Variants in GTF3C5 observed in about 807,000 individuals in gnomAD.
The protein encoded by GTF3C5 is general transcription factor IIIC subunit 5.
A neutral mutation model predicts 61.0 loss-of-function variants in GTF3C5; 47 were observed. The observed-to-expected ratio is 0.77, with a 90% CI of 0.61 to 0.98. GTF3C5 has a LOEUF of 0.98. GTF3C5 is among the 50% of genes least tolerant of loss of function. The pLI, the probability that GTF3C5 is intolerant of heterozygous loss-of-function variation, is 0.00. For missense variants in GTF3C5, 659 were observed against 703.3 expected (o/e 0.94, Z 0.71); for synonymous variants, 295 against 275.4 (o/e 1.07, Z -0.71).
chr9:133,038,089 A>C (rs1849918884), intron 1 of GTF3C5, among the ~76,000 whole-genome samples: 1 of 152,092 alleles, frequency 6.6e-6, no homozygotes. Context: ...GCCAGGAAGA[A>C]TAGTTTCGGC....
chr9:133,055,953 C>CCCT, intron 8 of GTF3C5, 59 bp from the exon 9 acceptor site: 1 of 1,609,136 alleles, frequency 6.2e-7, no homozygotes, highest in Non-Finnish European at 8.5e-7. Context: ...GAGTCTGCAA[C>CCCT]ACTGGCAGCC....
chr9:133,030,727 C>A (rs987136492), upstream of GTF3C5: 1 of 547,746 alleles, frequency 1.8e-6, no homozygotes, highest in African/African-American at 1.9e-5. Context: ...TCCTCCGGGT[C>A]CCTCGCTGGC....
rs148807164 is a variant in GTF3C5, at chr9:133,034,682, T to G, written c.153+3518T>G. Among the ~76,000 whole-genome samples, 797 of 152,218 alleles carry G rather than the reference T, an allele frequency of 5.2e-3. 7 individuals carry two copies. The highest frequency in any genetic ancestry group is 0.018 in the African/African-American group (753 of 41,508). ...GGCCCTTCCCAAGCTGGTTCAAGTT[T>G]TCCCTCCTTCCAGCTTTTGATGAGA... On this transcript the variant is annotated intron_variant, in intron 1 of 10. Transcript: ENST00000372097.
intron 1 of GTF3C5, among the ~76,000 whole-genome samples, chr9:133,040,965 A>G (rs1850021848): frequency 1.3e-5 from 2 of 152,262 alleles, no homozygotes; most frequent in Admixed American, 6.5e-5. Flanking sequence ...TCCTCGCTCT[A>G]TAATCATAAC....
Position 133,054,419 on chromosome 9 carries a change from A to G in GTF3C5, c.1000A>G (p.Ser334Gly). Residue 334 changes from serine (S) to glycine (G), a missense_variant, in exon 7 of 11, where the codon AGT becomes GGT. By Grantham distance (56) the Ser-to-Gly change is moderately conservative. Transcript: ENST00000372097. ...GCCCTCGCCTACAGGTTACGCCCCC[A>G]GTGACTTGCCGGTCAAAGCAAAGCG... ...RCGMKHGYAP[S>G]DLPVKAKRST... 1 of 1,614,034 alleles carries G rather than the reference A, an allele frequency of 6.2e-7. No homozygotes were observed. The highest frequency in any genetic ancestry group is 2.2e-5 in the East Asian group (1 of 44,886).
Position 133,040,463 on chromosome 9 carries a change from A to G in GTF3C5, c.154-1624A>G, listed in dbSNP as rs75360103. ...ACGTGGCACATATTGAATGTCTACC[A>G]TGAGTTAGGCACCAGGAGCTGTGCT... On this transcript the variant is annotated intron_variant, in intron 1 of 10. Coordinates refer to ENST00000372097, the MANE Select transcript of GTF3C5 (RefSeq NM_012087.4). Among the ~76,000 whole-genome samples the G allele has an allele frequency of 8.5e-5, 13 of 152,330 alleles. No homozygotes were observed. The South Asian group carries it at 2.5e-3, about 29-fold the overall frequency.
At chr9:133,036,026 C>A (rs1849851371) in intron 1 of GTF3C5, among the ~76,000 whole-genome samples, 1 of 152,216 alleles carries the variant, frequency 6.6e-6, no homozygotes, top group African/African-American at 2.4e-5. Flanking sequence ...TTTGGGCAGA[C>A]CAATGACTGG....
chr9:133,048,567 G>A (rs557229414), intron 3 of GTF3C5, among the ~76,000 whole-genome samples: 6 of 152,330 alleles, frequency 3.9e-5, no homozygotes, highest in African/African-American at 1.2e-4. Flanking sequence ...TACTTGGGGG[G>A]CTGAGGCAGG....
intron 3 of GTF3C5, chr9:133,044,146 C>CGAAAAAAAAA (rs1850130469): frequency 9.6e-6 from 1 of 104,148 alleles, no homozygotes; most frequent in African/African-American, 4.6e-5. Context: ...CTTTGTCTCC[C>CGAAAAAAAAA]AAAAAAAAAA....
intron 3 of GTF3C5, among the ~76,000 whole-genome samples, chr9:133,048,403 A>G (rs995908964): frequency 3.3e-5 from 5 of 151,814 alleles, no homozygotes; most frequent in African/African-American, 1.2e-4. Flanking sequence ...AGGCTGAGGC[A>G]GGAGAATGGC....
rs369612433 is a variant in GTF3C5, at chr9:133,054,429, C to T, written c.1010C>T (p.Pro337Leu). The T allele has an allele frequency of 2.6e-4, 426 of 1,614,128 alleles. No individual in the cohort carries two copies. Among genetic ancestry groups the T allele is most frequent in the Non-Finnish European group, 3.4e-4 (402 of 1,180,016 alleles). Reference sequence around the variant, plus strand: ...ACAGGTTACGCCCCCAGTGACTTGCCGGTCAAAGCAAAGCGCAGCACCTAC... The same window carrying T: ...ACAGGTTACGCCCCCAGTGACTTGCTGGTCAAAGCAAAGCGCAGCACCTAC... ...MKHGYAPSDL[P>L]VKAKRSTYNY... is the part of the protein sequence containing the mutation. Residue 337 changes from proline (P) to leucine (L), a missense_variant, in exon 7 of 11, where the codon CCG becomes CTG. Transcript: ENST00000372097.
At chr9:133,033,643 G>C (rs1849790163) in intron 1 of GTF3C5, among the ~76,000 whole-genome samples, 2 of 152,130 alleles carry the variant, frequency 1.3e-5, no homozygotes, top group African/African-American at 4.8e-5. Context: ...TATCACCCCA[G>C]GCTGTGGGGT....
chr9:133,044,848 C>T (rs765284125), intron 3 of GTF3C5, among the ~76,000 whole-genome samples: 6 of 152,084 alleles, frequency 3.9e-5, no homozygotes, highest in Non-Finnish European at 7.4e-5. Flanking sequence ...TCTCCTACAC[C>T]GAGAGCTATG....
At position 133,042,323 on chromosome 9, in the gene GTF3C5, C is replaced by T. The variant is rs753812892; in HGVS notation, c.373+17C>T. ...AATTTCAGGGTAACTGAAATCTGCT[C>T]TTGCAATGTCTGGTTATTTCAGGGC... On this transcript the variant is annotated intron_variant, in intron 2 of 10. Transcript: ENST00000372097. 6.0e-6 allele frequency: 9 copies of T among 1,487,684 alleles called. No individual in the cohort carries two copies. Among genetic ancestry groups the T allele is most frequent in the African/African-American group, 1.4e-5 (1 of 72,450 alleles). 92.2% of individuals were successfully genotyped at this position (1,487,684 alleles called of 1,614,324 possible).
chr9:133,044,888 A>C (rs1445640244), intron 3 of GTF3C5, among the ~76,000 whole-genome samples: 1 of 149,656 alleles, frequency 6.7e-6, no homozygotes, highest in African/African-American at 2.5e-5. Context: ...CTCATAGTGC[A>C]CCCACCGCCA....
chr9:133,051,210 G>C (rs1012215348), intron 4 of GTF3C5, among the ~76,000 whole-genome samples: 4 of 152,230 alleles, frequency 2.6e-5, no homozygotes, highest in South Asian at 2.1e-4. Flanking sequence ...AAAAATATGC[G>C]TGCGTTGTTC....
chr9:133,057,770 CA>C (rs1343351854), intron 10 of GTF3C5, 43 bp from the exon 11 acceptor site: 2 of 1,522,602 alleles, frequency 1.3e-6, no homozygotes, highest in Non-Finnish European at 1.8e-6. Context: ...GGCCACCCGG[CA>C]GCCTGCATGG....
chr9:133,050,820 C>G lies in GTF3C5; in HGVS notation c.610C>G (p.Leu204Val), dbSNP rs776387290. The G allele has an allele frequency of 6.2e-7, 1 of 1,613,826 alleles. No homozygotes were observed. The highest frequency in any genetic ancestry group is 1.3e-5 in the African/African-American group (1 of 74,930). ...CAATCCCCCCATCTCAGGTGAGAAT[C>G]TGATTGGCCTGAGCAGAGCCCGGCG... ...YNNPPISGEN[L>V]IGLSRARRPH... The change falls in exon 4 of 11, where the codon CTG becomes GTG. Residue 204 changes from leucine to valine, a missense_variant. Transcript: ENST00000372097.
intron 10 of GTF3C5, among the ~76,000 whole-genome samples, 156 bp downstream of exon 10, chr9:133,057,064 C>T (rs1829960276): frequency 6.6e-6 from 1 of 152,184 alleles, no homozygotes; most frequent in Admixed American, 6.5e-5. Flanking sequence ...AGCCAGAGCC[C>T]AGCCCAGGTG....
Sources: gnomAD v4.1 joint callset for allele counts (sites outside exome capture counted in the v4.1 genomes callset) on GRCh38, gnomAD v4.1.1 for gene constraint, MANE v1.5 for transcripts, NCBI Gene and HGNC (gene_info 2026-07-23, HGNC 2026-07-21) for gene names.